PCNT: variants seen among roughly 807,000 people sequenced by gnomAD.
PCNT encodes the protein pericentrin.
In PCNT, 319 loss-of-function variants were observed where a neutral mutation model predicts 380.4. The ratio of observed to expected loss-of-function variants is 0.84; its 90% CI spans 0.77 to 0.92. The LOEUF (loss-of-function observed/expected upper bound fraction) is 0.92, where lower values mean the gene tolerates loss of function less well. Among genes scored for constraint, PCNT ranks in the 40% least tolerant of loss-of-function variants. The pLI is 0.00. For missense variants in PCNT, 4,400 were observed against 4,255.3 expected, an observed-to-expected ratio of 1.03 and a Z score of -0.95; for synonymous variants, 1,845 against 1,735.2, an observed-to-expected ratio of 1.06 and a Z score of -1.57.
At chr21:46,346,319 G>A (rs1176784731) in intron 4 of PCNT, 111 bp downstream of exon 4, 3 of 866,336 alleles carry the variant, frequency 3.5e-6, no homozygotes, top group East Asian at 5.1e-5. Flanking sequence ...CTTTCTCTGA[G>A]TTGTCTGTTT....
chr21:46,427,434 G>A (rs1473319091), intron 33 of PCNT, among the ~76,000 whole-genome samples, 188 bp from the exon 34 acceptor site: 1 of 152,178 alleles, frequency 6.6e-6, no homozygotes, highest in Non-Finnish European at 1.5e-5. Flanking sequence ...CAGCGTCTCC[G>A]TGCTGTGTCC....
At chr21:46,343,899 T>C (rs117145689) in intron 3 of PCNT, among the ~76,000 whole-genome samples, 7,340 of 152,282 alleles carry the variant, frequency 0.048, 226 homozygotes, top group Non-Finnish European at 0.065. Flanking sequence ...TTCTAGTTTG[T>C]GCACATAAAG....
intron 2 of PCNT, among the ~76,000 whole-genome samples, chr21:46,327,796 A>T (rs1461722140): frequency 6.6e-6 from 1 of 151,992 alleles, no homozygotes; most frequent in Non-Finnish European, 1.5e-5. Flanking sequence ...TGAGATGAAG[A>T]GGGAAGGGGT....
chr21:46,329,302 T>G (rs1311423121), intron 2 of PCNT, among the ~76,000 whole-genome samples: 2 of 152,350 alleles, frequency 1.3e-5, no homozygotes, highest in East Asian at 3.9e-4. Context: ...GATGCATGCC[T>G]TCATTCAGGA....
Position 46,346,200 on chromosome 21 carries a change from C to G in PCNT, c.712C>G (p.Gln238Glu), listed in dbSNP as rs560165924. The change falls in exon 4 of 47, where the codon CAG becomes GAG. Residue 238 changes from glutamine (Q) to glutamate (E), a missense_variant. Gln to Glu is a conservative substitution (Grantham distance 29). Transcript: ENST00000359568. ...SGREDEAGLH[Q>E]SQAVHGLELE... is the part of the protein sequence containing the mutation. ...CCGTGAAGATGAGGCTGGCCTGCATCAGAGTCAGGTGACCCGGCGGGGCCT... is the reference window on the plus strand; with the variant it reads ...CCGTGAAGATGAGGCTGGCCTGCATGAGAGTCAGGTGACCCGGCGGGGCCT... 1 of 1,613,140 alleles carries G rather than the reference C, an allele frequency of 6.2e-7. No homozygotes were observed. The highest frequency in any genetic ancestry group is 2.2e-5 in the East Asian group (1 of 44,826).
At chr21:46,442,797 G>A (rs2148118324) in intron 44 of PCNT, 5 of 597,516 alleles carry the variant, frequency 8.4e-6, no homozygotes, top group East Asian at 2.8e-5. Flanking sequence ...GGCGTACGGC[G>A]ATGGGAAACA....
At chr21:46,343,904 A>G (rs565013630) in intron 3 of PCNT, among the ~76,000 whole-genome samples, 1 of 152,136 alleles carries the variant, frequency 6.6e-6, no homozygotes, top group Non-Finnish European at 1.5e-5. Flanking sequence ...GTTTGTGCAC[A>G]TAAAGGTGTT....
chr21:46,402,574 C>T (rs2086464734), intron 27 of PCNT, 91 bp downstream of exon 27: 1 of 1,394,282 alleles, frequency 7.2e-7, no homozygotes. Context: ...GGAGGCGAGT[C>T]TCTGGTCTTC....
intron 29 of PCNT, among the ~76,000 whole-genome samples, chr21:46,413,200 CCACCCG>C (rs2086861967): frequency 1.5e-5 from 2 of 134,040 alleles, no homozygotes; most frequent in African/African-American, 3.1e-5. Flanking sequence ...GGCACGAGGC[CCACCCG>C]GGAGAGGCTG....
At chr21:46,417,737 CA>C (rs574901800) in intron 30 of PCNT, among the ~76,000 whole-genome samples, 3 of 151,382 alleles carry the variant, frequency 2.0e-5, no homozygotes, top group African/African-American at 7.3e-5. Context: ...CCTGTCTCTA[CA>C]AAAAAAACAC....
At position 46,402,431 on chromosome 21, in the gene PCNT, G is replaced by A. The variant is rs1398478614; in HGVS notation, c.5063G>A (p.Ser1688Asn). The A allele has an allele frequency of 6.2e-7, 1 of 1,614,098 alleles. No homozygotes were observed. The highest frequency in any genetic ancestry group is 8.5e-7 in the Non-Finnish European group (1 of 1,179,952). ...AACTTAAAATTGGACATGCAGAACA[G>A]CCAGACTGCTGTCAGCCTCAGAGAA... ...HLNLKLDMQN[S>N]QTAVSLRELE... Residue 1688 changes from serine (S) to asparagine (N), a missense_variant, in exon 27 of 47, where the codon AGC becomes AAC. Physicochemically the swap from Ser to Asn is conservative, Grantham distance 46. Coordinates refer to ENST00000359568, the MANE Select transcript of PCNT (RefSeq NM_006031.6).
chr21:46,324,426 T>C (rs2083286147), intron 1 of PCNT, 144 bp downstream of exon 1: 5 of 758,012 alleles, frequency 6.6e-6, no homozygotes, highest in South Asian at 4.5e-5. Flanking sequence ...CCGGCTCCGC[T>C]GGAAGCCGCC....
At chr21:46,403,146 AGAATTAGTGT>A (rs2086485828) in intron 27 of PCNT, among the ~76,000 whole-genome samples, 1 of 151,730 alleles carries the variant, frequency 6.6e-6, no homozygotes, top group Non-Finnish European at 1.5e-5. Flanking sequence ...ACAGCGTGGG[AGAATTAGTGT>A]GTGTGGTGCC....
chr21:46,436,825 C>T (rs768056096), intron 39 of PCNT, among the ~76,000 whole-genome samples, 154 bp from the exon 40 acceptor site: 1 of 152,218 alleles, frequency 6.6e-6, no homozygotes, highest in Non-Finnish European at 1.5e-5. Context: ...CCCCCGTGGG[C>T]CCCTGGCTCT....
At position 46,355,573 on chromosome 21, in the gene PCNT, C is replaced by T; in HGVS notation, c.1883C>T (p.Thr628Ile). Reference protein sequence around the residue: ...GHVSDRCCVETSALGHEWRLE... With the variant: ...GHVSDRCCVEISALGHEWRLE... ...GTCTCAGACAGATGCTGCGTAGAGACTTCAGCATTGGGACACGAGTGGCGT... is the reference window on the plus strand; with the variant it reads ...GTCTCAGACAGATGCTGCGTAGAGATTTCAGCATTGGGACACGAGTGGCGT... The change falls in exon 12 of 47, where the codon ACT becomes ATT. Residue 628 changes from threonine (T) to isoleucine (I), a missense_variant. Transcript: ENST00000359568. The T allele has an allele frequency of 6.2e-7, 1 of 1,614,156 alleles. No individual in the cohort carries two copies. Among genetic ancestry groups the T allele is most frequent in the Non-Finnish European group, 8.5e-7 (1 of 1,180,026 alleles).
chr21:46,346,548 TG>T (rs925783164), intron 4 of PCNT, among the ~76,000 whole-genome samples, 194 bp from the exon 5 acceptor site: 1 of 152,070 alleles, frequency 6.6e-6, no homozygotes, highest in African/African-American at 2.4e-5. Flanking sequence ...TGATGCGCTG[TG>T]GGGTCACTGG....
chr21:46,420,104 A>T (rs1056231628), intron 31 of PCNT, among the ~76,000 whole-genome samples: 1 of 151,862 alleles, frequency 6.6e-6, no homozygotes, highest in African/African-American at 2.4e-5. Context: ...ACAACCTTTG[A>T]GGGGCCTGCG....
intron 21 of PCNT, chr21:46,394,453 C>T: frequency 1.1e-6 from 1 of 901,718 alleles, no homozygotes; most frequent in Non-Finnish European, 1.3e-6. Context: ...CTCACATTCT[C>T]AGCTGCACGT....
At chr21:46,382,258 G>A (rs1385078639) in intron 16 of PCNT, among the ~76,000 whole-genome samples, 2 of 146,714 alleles carry the variant, frequency 1.4e-5, no homozygotes, top group African/African-American at 2.5e-5. Context: ...CCCATTCACG[G>A]TGTTGTGCAT....
Sources: gnomAD v4.1 joint callset for allele counts (sites outside exome capture counted in the v4.1 genomes callset) on GRCh38, gnomAD v4.1.1 for gene constraint, MANE v1.5 for transcripts, NCBI Gene and HGNC (gene_info 2026-07-23, HGNC 2026-07-21) for gene names.